The following CUEDC2 variants were observed in gnomAD, a reference collection of about 807,000 sequenced individuals.
The protein encoded by CUEDC2 is CUE domain containing 2.
CUEDC2 carries 10 observed loss-of-function variants against 36.0 expected under a neutral mutation model. That is an observed-to-expected ratio of 0.28 (90% CI 0.17 to 0.47). The LOEUF (loss-of-function observed/expected upper bound fraction) is 0.47, where lower values mean the gene tolerates loss of function less well. Among genes scored for constraint, CUEDC2 ranks in the 20% least tolerant of loss-of-function variants. The pLI is 0.99. For missense variants in CUEDC2, 269 were observed against 368.1 expected (o/e 0.73, Z 2.20); for synonymous variants, 133 against 141.8 (o/e 0.94, Z 0.44).
intron 1 of CUEDC2, among the ~76,000 whole-genome samples, chr10:102,428,030 C>T (rs1295980292): frequency 6.6e-6 from 1 of 152,134 alleles, no homozygotes; most frequent in Non-Finnish European, 1.5e-5. Context: ...CAACCTCTGC[C>T]TCCTGGGTTC....
At chr10:102,430,231 C>T (rs988355363) in intron 1 of CUEDC2, among the ~76,000 whole-genome samples, 3 of 150,678 alleles carry the variant, frequency 2.0e-5, no homozygotes, top group Non-Finnish European at 4.4e-5. Flanking sequence ...TGCAATGGCG[C>T]GATCTTGGCT....
At chr10:102,430,603 A>C (rs1350995563) in intron 1 of CUEDC2, among the ~76,000 whole-genome samples, 2 of 151,500 alleles carry the variant, frequency 1.3e-5, no homozygotes, top group Admixed American at 1.3e-4. Context: ...TGCTCCCCTA[A>C]GCTTTTCTCT....
intron 1 of CUEDC2, among the ~76,000 whole-genome samples, chr10:102,426,070 A>G (rs2061595321): frequency 6.6e-6 from 1 of 152,164 alleles, no homozygotes; most frequent in Non-Finnish European, 1.5e-5. Flanking sequence ...CATTAACATT[A>G]TTTTGTGCTT....
At position 102,423,306 on chromosome 10, in the gene CUEDC2, A is replaced by G; in HGVS notation, c.*120T>C. The G allele has an allele frequency of 4.7e-6, 6 of 1,270,394 alleles. No homozygotes were observed. The South Asian group carries it at 7.9e-5, about 17-fold the overall frequency. 78.7% of individuals were successfully genotyped at this position (1,270,394 alleles called of 1,614,324 possible). A position where few individuals can be genotyped will look rare whatever the true frequency, so the allele number is the denominator to read the frequency against. On this transcript the variant is annotated 3_prime_UTR_variant, in exon 9 of 9. Coordinates refer to ENST00000369937, the MANE Select transcript of CUEDC2 (RefSeq NM_024040.3). The surrounding 1 kb of genome is among the most constrained non-coding windows in gnomAD (Gnocchi z 5.6). ...GCAGCTCCGAGAGTAGGTTAACACT[A>G]TGGAGCAAAGGAGTAGAGAAGGGGG... is the stretch of plus-strand genomic sequence containing the variant.
rs188851626 is a variant in CUEDC2 at position 102,424,216 on chromosome 10, C to A, written c.412-38G>T. ...ACGTTAACAAGAGGCAATACTCCCCCCTTTCCAGCCCCCTGGGTCCCTCAT... is the reference window on the plus strand; with the variant it reads ...ACGTTAACAAGAGGCAATACTCCCCACTTTCCAGCCCCCTGGGTCCCTCAT... On this transcript the variant is annotated intron_variant, in intron 5 of 8. Transcript: ENST00000369937. The surrounding 1 kb of genome is among the most constrained non-coding windows in gnomAD (Gnocchi z 4.2). The A allele has an allele frequency of 6.2e-7, 1 of 1,610,630 alleles. No individual in the cohort carries two copies. The highest frequency in any genetic ancestry group is 8.5e-7 in the Non-Finnish European group (1 of 1,177,916).
At chr10:102,425,223 C>T in intron 1 of CUEDC2, 25 bp from the exon 2 acceptor site, 9 of 1,592,590 alleles carry the variant, frequency 5.7e-6, no homozygotes, top group Non-Finnish European at 6.9e-6. Context: ...ACAGGATGGC[C>T]AGGCCTTCTT....
Position 102,424,202 on chromosome 10 carries a change from A to G in CUEDC2, c.412-24T>C. On this transcript the variant is annotated intron_variant, in intron 5 of 8. Coordinates refer to ENST00000369937, the MANE Select transcript of CUEDC2 (RefSeq NM_024040.3). This position sits in a 1 kb window ranked among gnomAD's most constrained non-coding sequence, Gnocchi z 4.2. Reference sequence around the variant, plus strand: ...GCCTAAGGGTACAAACGTTAACAAGAGGCAATACTCCCCCCTTTCCAGCCC... The same window carrying G: ...GCCTAAGGGTACAAACGTTAACAAGGGGCAATACTCCCCCCTTTCCAGCCC... The G allele has an allele frequency of 6.2e-7, 1 of 1,611,800 alleles. No individual in the cohort carries two copies.
intron 1 of CUEDC2, 46 bp from the exon 2 acceptor site, chr10:102,425,244 C>G: frequency 4.8e-6 from 7 of 1,457,512 alleles, no homozygotes; most frequent in Non-Finnish European, 6.7e-6. Flanking sequence ...CTGCCTGCCC[C>G]CACCCACTGG....
intron 1 of CUEDC2, among the ~76,000 whole-genome samples, chr10:102,428,185 C>T (rs1192036753): frequency 3.3e-5 from 5 of 152,084 alleles, no homozygotes; most frequent in African/African-American, 9.7e-5. Flanking sequence ...AGGTGATCCA[C>T]CTGCCTTGGC....
chr10:102,423,480 C>G lies in CUEDC2; in HGVS notation c.810G>C (p.Glu270Asp). The G allele has an allele frequency of 2.5e-6, 4 of 1,614,228 alleles. No individual in the cohort carries two copies. The highest frequency in any genetic ancestry group is 3.4e-6 in the Non-Finnish European group (4 of 1,180,044). The change falls in exon 9 of 9, where the codon GAG becomes GAC. Residue 270 changes from glutamate (E) to aspartate (D), a missense_variant. Physicochemically the swap from Glu to Asp is conservative, Grantham distance 45. Transcript: ENST00000369937. This position sits in a 1 kb window ranked among gnomAD's most constrained non-coding sequence, Gnocchi z 5.6. Reference sequence around the variant, plus strand: ...TGAGGTTGATGTATGTGGCCTTCATCTCCTCGGCCTCAGGGTTCCGCACAT... The same window carrying G: ...TGAGGTTGATGTATGTGGCCTTCATGTCCTCGGCCTCAGGGTTCCGCACAT... ...FKDVRNPEAE[E>D]MKATYINLKP... is the part of the protein sequence containing the mutation.
At position 102,423,423 on chromosome 10, in the gene CUEDC2, G is replaced by A. The variant is rs772500057; in HGVS notation, c.*3C>T. ...AAGGCTCGGGCAGAGTCCGGCGAGT[G>A]CCTCAATGGAAGCGGTACTTTCTGG... is the stretch of plus-strand genomic sequence containing the variant. On this transcript the variant is annotated 3_prime_UTR_variant, in exon 9 of 9. Transcript: ENST00000369937. This position sits in a 1 kb window ranked among gnomAD's most constrained non-coding sequence, Gnocchi z 5.6. The A allele has an allele frequency of 1.2e-6, 2 of 1,614,216 alleles. No individual in the cohort carries two copies. Among genetic ancestry groups the A allele is most frequent in the South Asian group, 2.2e-5 (2 of 91,080 alleles).
intron 1 of CUEDC2, among the ~76,000 whole-genome samples, chr10:102,426,256 A>G (rs1464806761): frequency 6.6e-6 from 1 of 151,890 alleles, no homozygotes; most frequent in African/African-American, 2.4e-5. Context: ...CATGCTTTTG[A>G]CTCCCAAAAG....
Position 102,425,181 on chromosome 10 carries a change from A to G in CUEDC2, c.8T>C (p.Leu3Pro). The G allele has an allele frequency of 6.2e-7, 1 of 1,613,604 alleles. No homozygotes were observed. Among genetic ancestry groups the G allele is most frequent in the Non-Finnish European group, 8.5e-7 (1 of 1,179,762 alleles). ME[L>P]ERIVSAALLA... is the part of the protein sequence containing the mutation. ...GAGGGCTGCACTGACGATCCTCTCC[A>G]GCTCCATGCTCTCTCTTCTGAAGGG... is the stretch of plus-strand genomic sequence containing the variant. Residue 3 changes from leucine (L) to proline (P), a missense_variant, in exon 2 of 9, where the codon CTG (leucine) becomes CCG (proline). Leu to Pro is a moderately conservative substitution (Grantham distance 98). Transcript: ENST00000369937.
intron 1 of CUEDC2, among the ~76,000 whole-genome samples, chr10:102,427,274 T>C (rs573379772): frequency 2.0e-5 from 3 of 151,700 alleles, no homozygotes; most frequent in African/African-American, 7.3e-5. Flanking sequence ...ACTGCAGCGC[T>C]CTCTCTCTCT....
At position 102,424,232 on chromosome 10, in the gene CUEDC2, G is replaced by C. The variant is rs375536311; in HGVS notation, c.411+32C>G. 6.2e-7 allele frequency: 1 copy of C among 1,611,178 alleles called. No homozygotes were observed. Among genetic ancestry groups the C allele is most frequent in the Non-Finnish European group, 8.5e-7 (1 of 1,178,284 alleles). On this transcript the variant is annotated intron_variant, in intron 5 of 8. Coordinates refer to ENST00000369937, the MANE Select transcript of CUEDC2 (RefSeq NM_024040.3). The surrounding 1 kb of genome is among the most constrained non-coding windows in gnomAD (Gnocchi z 4.2). ...ATACTCCCCCCTTTCCAGCCCCCTGGGTCCCTCATCGGTACCCTCCTCTAC... is the reference window on the plus strand; with the variant it reads ...ATACTCCCCCCTTTCCAGCCCCCTGCGTCCCTCATCGGTACCCTCCTCTAC...
chr10:102,430,145 AAT>A (rs1491283294), intron 1 of CUEDC2, among the ~76,000 whole-genome samples: 221 of 15,640 alleles, frequency 0.014, 1 homozygote, highest in African/African-American at 0.046. Context: ...TTTTTTTTTT[AAT>A]TTTATTTATT....
rs753564983 is a variant in CUEDC2, at chr10:102,424,270, T to G, written c.405A>C (p.Gln135His). The change falls in exon 5 of 9, where the codon CAA (glutamine) becomes CAC (histidine). Residue 135 changes from glutamine (Q) to histidine (H), a missense_variant. Physicochemically the swap from Gln to His is conservative, Grantham distance 24. Coordinates refer to ENST00000369937, the MANE Select transcript of CUEDC2 (RefSeq NM_024040.3). This position sits in a 1 kb window ranked among gnomAD's most constrained non-coding sequence, Gnocchi z 4.2. ...RSSAAAAADT[Q>H]DEATGAEEEL... ...TACCCTCCTCTACCAGTACCTCATC[T>G]TGGGTGTCTGCAGCAGCAGCAGCCG... 24 of 1,613,708 alleles carry G rather than the reference T, an allele frequency of 1.5e-5. No homozygotes were observed. In the African/African-American group the frequency reaches 3.1e-4, roughly 21 times the overall value.
rs766470053 is a variant in CUEDC2, at chr10:102,424,735, G to A, written c.132C>T (p.Pro44=). The change falls in exon 3 of 9, where the codon CCC becomes CCT. Residue 44 remains proline, a synonymous_variant. Coordinates refer to ENST00000369937, the MANE Select transcript of CUEDC2 (RefSeq NM_024040.3). The surrounding 1 kb of genome is among the most constrained non-coding windows in gnomAD (Gnocchi z 4.2). ...YVLGVLEDLG[P]SGPSEENFDM... ...CGAAGTTCTCCTCTGATGGGCCCGA[G>A]GGGCCCAGGTCCTCCAGGACCCCAA... The A allele has an allele frequency of 3.1e-6, 5 of 1,613,726 alleles. No homozygotes were observed. Among genetic ancestry groups the A allele is most frequent in the East Asian group, 2.2e-5 (1 of 44,888 alleles).
chr10:102,430,515 T>C (rs2061613475), intron 1 of CUEDC2, among the ~76,000 whole-genome samples: 1 of 152,240 alleles, frequency 6.6e-6, no homozygotes, highest in Non-Finnish European at 1.5e-5. Flanking sequence ...ATGTGTCTCA[T>C]GCTTCTGGGT....
Sources: gnomAD v4.1 joint callset for allele counts (sites outside exome capture counted in the v4.1 genomes callset) on GRCh38, gnomAD v4.1.1 for gene constraint, Gnocchi (gnomAD v3.1) non-coding constraint, MANE v1.5 for transcripts, NCBI Gene and HGNC (gene_info 2026-07-23, HGNC 2026-07-21) for gene names.